MACROD2: variants seen among roughly 807,000 people sequenced by gnomAD.
MACROD2 encodes the protein mono-ADP ribosylhydrolase 2.
Under a neutral mutation model 70.4 loss-of-function variants are expected in MACROD2, and 36 were observed. The observed-to-expected ratio is 0.51, with a 90% CI of 0.39 to 0.68. The LOEUF is 0.68. Among genes scored for constraint, MACROD2 ranks in the 30% least tolerant of loss-of-function variants. The pLI is 0.00. For missense variants in MACROD2, 496 were observed against 538.4 expected (o/e 0.92, Z 0.78); for synonymous variants, 172 against 178.8 (o/e 0.96, Z 0.30).
intron 5 of MACROD2, among the ~76,000 whole-genome samples, chr20:14,939,483 G>A (rs1372015350): frequency 1.3e-5 from 2 of 151,950 alleles, no homozygotes; most frequent in African/African-American, 2.4e-5. Flanking sequence ...TGCTGATTTG[G>A]TTACTATAGC....
intron 8 of MACROD2, among the ~76,000 whole-genome samples, chr20:15,773,047 G>A (rs2051663661): frequency 6.6e-6 from 1 of 152,022 alleles, no homozygotes; most frequent in African/African-American, 2.4e-5. Context: ...TCTTCCTTTT[G>A]AGTCATTTAA....
At chr20:15,142,780 T>G (rs1256118015) in intron 5 of MACROD2, among the ~76,000 whole-genome samples, 6 of 152,054 alleles carry the variant, frequency 3.9e-5, no homozygotes, top group African/African-American at 1.4e-4. Flanking sequence ...TCTGTCCTTG[T>G]GATAGTTTGC....
chr20:15,316,393 G>A (rs2077811440), intron 6 of MACROD2, among the ~76,000 whole-genome samples: 1 of 151,934 alleles, frequency 6.6e-6, no homozygotes, highest in East Asian at 1.9e-4. Flanking sequence ...AAGCCAGGGT[G>A]GCTCTACTAA....
At chr20:14,802,643 A>T (rs903523975) in intron 5 of MACROD2, among the ~76,000 whole-genome samples, 7 of 152,068 alleles carry the variant, frequency 4.6e-5, no homozygotes, top group Admixed American at 2.0e-4. Context: ...GAAGTAAATA[A>T]TGATGAGGCA....
intron 3 of MACROD2, among the ~76,000 whole-genome samples, chr20:14,352,995 T>G (rs1211983840): frequency 6.6e-6 from 1 of 152,206 alleles, no homozygotes; most frequent in African/African-American, 2.4e-5. Flanking sequence ...ATCATCAATT[T>G]GATGGTATTT....
At chr20:14,919,497 C>A (rs2074134932) in intron 5 of MACROD2, among the ~76,000 whole-genome samples, 1 of 152,210 alleles carries the variant, frequency 6.6e-6, no homozygotes, top group African/African-American at 2.4e-5. Context: ...CTTTGAAAAG[C>A]AGTTAAACAA....
chr20:14,255,377 C>G (rs1200552620), intron 3 of MACROD2, among the ~76,000 whole-genome samples: 2 of 151,982 alleles, frequency 1.3e-5, no homozygotes, highest in Non-Finnish European at 2.9e-5. Context: ...AGTTCATGTC[C>G]TTTGTAGGGA....
At chr20:14,300,937 A>G (rs1027798641) in intron 3 of MACROD2, among the ~76,000 whole-genome samples, 10 of 152,364 alleles carry the variant, frequency 6.6e-5, no homozygotes, top group Admixed American at 1.3e-4. Flanking sequence ...GTTAGGTGAC[A>G]GTTATAAGGA....
intron 5 of MACROD2, among the ~76,000 whole-genome samples, chr20:14,692,026 C>T (rs1454230627): frequency 1.3e-5 from 2 of 152,132 alleles, no homozygotes; most frequent in Non-Finnish European, 2.9e-5. Context: ...TACATTTAAT[C>T]TCCTTAGTGA....
At position 15,815,154 on chromosome 20, in the gene MACROD2, T is replaced by C. The variant is rs1171069873; in HGVS notation, c.646-47591T>C. Among the ~76,000 whole-genome samples the C allele has an allele frequency of 2.0e-5, 3 of 152,218 alleles. No individual in the cohort carries two copies. In the East Asian group the frequency reaches 5.8e-4, roughly 29 times the overall value. ...AGGATTTGGCTTCAAGTGCTGGACA[T>C]GGAAACTGAGAATGCAGTGACTCAT... On this transcript the variant is annotated intron_variant, in intron 8 of 17. Coordinates refer to ENST00000684519, the MANE Select transcript of MACROD2 (RefSeq NM_001351661.2).
chr20:14,344,028 A>C (rs1445189831), intron 3 of MACROD2, among the ~76,000 whole-genome samples: 2 of 152,170 alleles, frequency 1.3e-5, no homozygotes, highest in African/African-American at 4.8e-5. Flanking sequence ...TTTTTCTGGA[A>C]ACTGGCTCTG....
chr20:14,106,010 G>C (rs536317029), intron 3 of MACROD2, among the ~76,000 whole-genome samples: 1 of 152,316 alleles, frequency 6.6e-6, no homozygotes, highest in Admixed American at 6.5e-5. Flanking sequence ...TCTGAGATGT[G>C]CTGGCTTTAG....
At chr20:14,688,799 T>A (rs181240400) in intron 5 of MACROD2, among the ~76,000 whole-genome samples, 1 of 152,208 alleles carries the variant, frequency 6.6e-6, no homozygotes, top group Non-Finnish European at 1.5e-5. Flanking sequence ...TCAGTTCCAA[T>A]GTCAGTATCA....
chr20:14,459,491 C>A (rs2084343142), intron 3 of MACROD2, among the ~76,000 whole-genome samples: 1 of 151,818 alleles, frequency 6.6e-6, no homozygotes, highest in African/African-American at 2.4e-5. Flanking sequence ...AATATTATGG[C>A]ATATAAACAG....
chr20:14,823,861 C>T (rs997276105), intron 5 of MACROD2, among the ~76,000 whole-genome samples: 1 of 152,032 alleles, frequency 6.6e-6, no homozygotes, highest in Non-Finnish European at 1.5e-5. Flanking sequence ...TCTTTGCTAC[C>T]TCACTGTTTT....
At position 15,576,803 on chromosome 20, in the gene MACROD2, C is replaced by A. The variant is rs577166829; in HGVS notation, c.645+76956C>A. Among the ~76,000 whole-genome samples the A allele has an allele frequency of 4.6e-5, 7 of 152,292 alleles. No individual in the cohort carries two copies. In the South Asian group the frequency reaches 1.5e-3, roughly 32 times the overall value. Reference sequence around the variant, plus strand: ...TTTATTTTTTCCCAATTAATCCACACTCAATAATTTCCCCAAGTTATCTTT... The same window carrying A: ...TTTATTTTTTCCCAATTAATCCACAATCAATAATTTCCCCAAGTTATCTTT... On this transcript the variant is annotated intron_variant, in intron 8 of 17. Transcript: ENST00000684519.
intron 7 of MACROD2, among the ~76,000 whole-genome samples, chr20:15,456,856 AG>A (rs2046733983): frequency 6.6e-6 from 1 of 152,064 alleles, no homozygotes; most frequent in African/African-American, 2.4e-5. Context: ...ATGTACAGCC[AG>A]GGCTGCGATC....
chr20:15,433,890 C>T (rs1265362543), intron 7 of MACROD2, among the ~76,000 whole-genome samples: 1 of 151,910 alleles, frequency 6.6e-6, no homozygotes, highest in Non-Finnish European at 1.5e-5. Context: ...GATATAAAGC[C>T]AAATACTTAC....
Position 15,986,785 on chromosome 20 carries a change from A to G in MACROD2, c.1044A>G (p.Ser348=). The change falls in exon 14 of 18, where the codon TCA becomes TCG. Residue 348 remains serine (S), a synonymous_variant. Transcript: ENST00000684519. ...AAATTGAAACAGAATCGCAGAGCTCATATATGGAAACAGAAGGTACTGAAA... is the reference window on the plus strand; with the variant it reads ...AAATTGAAACAGAATCGCAGAGCTCGTATATGGAAACAGAAGGTACTGAAA... ...EIKIETESQS[S]YMETEELSSN... is the part of the protein sequence containing the mutation. 8 of 1,612,872 alleles carry G rather than the reference A, an allele frequency of 5.0e-6. No individual in the cohort carries two copies. Among genetic ancestry groups the G allele is most frequent in the Non-Finnish European group, 5.9e-6 (7 of 1,179,050 alleles).
Sources: gnomAD v4.1 joint callset for allele counts (sites outside exome capture counted in the v4.1 genomes callset) on GRCh38, gnomAD v4.1.1 for gene constraint, MANE v1.5 for transcripts, NCBI Gene and HGNC (gene_info 2026-07-23, HGNC 2026-07-21) for gene names.